The following ARHGAP45 variants were observed in gnomAD, a reference collection of about 807,000 sequenced individuals.
ARHGAP45 encodes rho GTPase-activating protein 45.
Under a neutral mutation model 116.1 loss-of-function variants are expected in ARHGAP45, and 56 were observed. The ratio of observed to expected loss-of-function variants is 0.48; its 90% CI spans 0.39 to 0.60. The LOEUF (loss-of-function observed/expected upper bound fraction) is 0.60. ARHGAP45 is among the 20% of genes least tolerant of loss of function. The pLI, the probability that ARHGAP45 is intolerant of heterozygous loss-of-function variation, is 0.00. For synonymous variants in ARHGAP45, 866 were observed against 701.7 expected (o/e 1.23, Z -3.70); for missense variants, 1,622 against 1,601.0 (o/e 1.01, Z -0.22).
At chr19:1,074,057 C>T (rs755722904) in intron 6 of ARHGAP45, 43 bp downstream of exon 6, 4 of 1,603,578 alleles carry the variant, frequency 2.5e-6, no homozygotes, top group Middle Eastern at 1.7e-4. Context: ...GAGGGGTGGG[C>T]CATTGCGCGG....
In ARHGAP45 at chr19:1,071,437, G is replaced by T; in HGVS notation, c.422-1712G>T. On this transcript the variant is annotated intron_variant, in intron 2 of 22. Coordinates refer to ENST00000313093, the MANE Select transcript of ARHGAP45 (RefSeq NM_012292.5). This position sits in a 1 kb window ranked among gnomAD's most constrained non-coding sequence, Gnocchi z 4.6. ...GCTCGGGCCGTTTGCCGCCCGCGGT[G>T]GGGGAGCAGCGGCTGCCGCGCGCCT... 1.9e-6 allele frequency: 2 copies of T among 1,050,282 alleles called. No individual in the cohort carries two copies. Among genetic ancestry groups the T allele is most frequent in the Middle Eastern group, 4.4e-4 (1 of 2,294 alleles). The allele number at this position is 1,050,282 out of a possible 1,614,324, so 65.1% of individuals were successfully genotyped here.
Position 1,067,412 on chromosome 19 carries a change from TC to T in ARHGAP45, c.9del (p.Arg4GlyfsTer7). The T allele has an allele frequency of 6.3e-7, 1 of 1,591,040 alleles. No homozygotes were observed. The highest frequency in any genetic ancestry group is 8.5e-7 in the Non-Finnish European group (1 of 1,169,828). On this transcript the variant is annotated frameshift_variant, in exon 1 of 23. Coordinates refer to ENST00000313093, the MANE Select transcript of ARHGAP45 (RefSeq NM_012292.5). LOFTEE classifies it high-confidence loss of function. MF[S>X]RKKRELMKTP... ...TCCCGGCCGGGGCCCCATCATGTTC[TC>T]CAGGAAGAAACGAGAGCTCATGAAA...
At position 1,071,558 on chromosome 19, in the gene ARHGAP45, T is replaced by C. The variant is rs2043141918; in HGVS notation, c.422-1591T>C. Reference sequence around the variant, plus strand: ...GGGGGTGTGCGGGGACAGCCGGGGGTCCGTGCGCCGGCCGCGCGCGGAGTG... The same window carrying C: ...GGGGGTGTGCGGGGACAGCCGGGGGCCCGTGCGCCGGCCGCGCGCGGAGTG... On this transcript the variant is annotated intron_variant, in intron 2 of 22. Coordinates refer to ENST00000313093, the MANE Select transcript of ARHGAP45 (RefSeq NM_012292.5). The surrounding 1 kb of genome is among the most constrained non-coding windows in gnomAD (Gnocchi z 4.6). 5.1e-5 allele frequency: 12 copies of C among 236,936 alleles called. No individual in the cohort carries two copies. The highest frequency in any genetic ancestry group is 7.6e-5 in the Non-Finnish European group (11 of 145,314). The allele number at this position is 236,936 out of a possible 1,614,324, so 14.7% of individuals were successfully genotyped here.
intron 22 of ARHGAP45, 123 bp from the exon 23 acceptor site, chr19:1,085,537 T>TCCTGTCTCTCCCCATCTCC: frequency 1.5e-6 from 1 of 659,638 alleles, no homozygotes; most frequent in South Asian, 2.0e-5. Flanking sequence ...TCCCCATCTC[T>TCCTGTCTCTCCCCATCTCC]CCTGTCTCTC....
At chr19:1,074,771 TACC>T (rs1192582689) in intron 9 of ARHGAP45, 25 bp from the exon 10 acceptor site, 7 of 1,598,584 alleles carry the variant, frequency 4.4e-6, no homozygotes, top group Non-Finnish European at 6.0e-6. Flanking sequence ...GTCACCGGGG[TACC>T]CACTCACGGC....
rs2043639766 is a variant in ARHGAP45 at position 1,086,119 on chromosome 19, A to AGAGC, written c.*115_*118dup. On this transcript the variant is annotated 3_prime_UTR_variant, in exon 23 of 23. Coordinates refer to ENST00000313093, the MANE Select transcript of ARHGAP45 (RefSeq NM_012292.5). The stretch of plus-strand genomic sequence containing the variant: ...GTGCGCCGTCCTGGGGTCGCTGCCG[A>AGAGC]GAGCGCCTGGACTTCGACGTCCCAC... 1 of 1,007,030 alleles carries AGAGC rather than the reference A, an allele frequency of 9.9e-7. No homozygotes were observed. The highest frequency in any genetic ancestry group is 1.6e-5 in the South Asian group (1 of 63,546). The allele number at this position is 1,007,030 out of a possible 1,614,324, so 62.4% of individuals were successfully genotyped here.
chr19:1,085,613 C>A, intron 22 of ARHGAP45, 47 bp from the exon 23 acceptor site: 1 of 1,391,548 alleles, frequency 7.2e-7, no homozygotes, highest in Non-Finnish European at 9.7e-7. Flanking sequence ...TGTCTCTCCT[C>A]CATCTCTCCT....
intron 22 of ARHGAP45, among the ~76,000 whole-genome samples, chr19:1,085,123 G>A (rs966033774): frequency 2.0e-5 from 3 of 152,062 alleles, no homozygotes; most frequent in African/African-American, 7.3e-5. Flanking sequence ...AAAAGAAAGA[G>A]GTTTAATGGA....
In ARHGAP45 at chr19:1,080,535, G is replaced by C. The variant is rs145692763; in HGVS notation, c.1900G>C (p.Gly634Arg). 32 of 1,612,680 alleles carry C rather than the reference G, an allele frequency of 2.0e-5. 1 individual carries two copies. The highest frequency in any genetic ancestry group is 2.4e-5 in the Non-Finnish European group (28 of 1,179,892). The change falls in exon 15 of 23, where the codon GGC becomes CGC. Residue 634 changes from glycine (G) to arginine (R), a missense_variant. Physicochemically the swap from Gly to Arg is moderately radical, Grantham distance 125. This residue lies in a region of ARHGAP45 where 1,334 missense variants were observed against 1,263.8 expected (regional missense o/e 1.06). Transcript: ENST00000313093. The stretch of plus-strand genomic sequence containing the variant: ...AGACTCGGACAGTGGGCTGGACCCC[G>C]GCCCTGGCGCAGGTGAGGGAGGCTC... The part of the protein sequence containing the change: ...ISDSDSGLDP[G>R]PGAGDFKKFE...
At position 1,083,151 on chromosome 19, in the gene ARHGAP45, A is replaced by C; in HGVS notation, c.2753A>C (p.Glu918Ala). Residue 918 changes from glutamate (E) to alanine (A), a missense_variant, in exon 21 of 23, where the codon GAG (glutamate) becomes GCG (alanine). This residue lies in a region of ARHGAP45 where 1,334 missense variants were observed against 1,263.8 expected (regional missense o/e 1.06). Coordinates refer to ENST00000313093, the MANE Select transcript of ARHGAP45 (RefSeq NM_012292.5). The part of the protein sequence containing the change: ...YLLRHLRRIV[E>A]VEQDNKMTPG... The stretch of plus-strand genomic sequence containing the variant: ...CCCTGCCCACCCCGCAGGATCGTGG[A>C]GGTGGAGCAGGACAACAAGATGACC... The C allele has an allele frequency of 2.5e-6, 4 of 1,608,214 alleles. No individual in the cohort carries two copies. Among genetic ancestry groups the C allele is most frequent in the Non-Finnish European group, 3.4e-6 (4 of 1,178,936 alleles).
Position 1,083,229 on chromosome 19 carries a change from C to T in ARHGAP45, c.2831C>T (p.Thr944Ile). 1.2e-6 allele frequency: 2 copies of T among 1,607,972 alleles called. No individual in the cohort carries two copies. The highest frequency in any genetic ancestry group is 1.7e-6 in the Non-Finnish European group (2 of 1,177,738). Residue 944 changes from threonine (T) to isoleucine (I), a missense_variant, in exon 21 of 23, where the codon ACC (threonine) becomes ATC (isoleucine). By Grantham distance (89) the Thr-to-Ile change is moderately conservative (BLOSUM62 -1). This residue lies in a region of ARHGAP45 where 1,334 missense variants were observed against 1,263.8 expected (regional missense o/e 1.06). Transcript: ENST00000313093. The part of the protein sequence containing the change: ...FGPTLLRPRP[T>I]EATVSLSSLV... ...CCCACGCTGCTTCGGCCACGGCCCA[C>T]CGAGGCCACCGTGTCCCTCTCCTCC...
chr19:1,083,038 C>G lies in ARHGAP45; in HGVS notation c.2716C>G (p.Leu906Val). 1 of 1,545,448 alleles carries G rather than the reference C, an allele frequency of 6.5e-7. No individual in the cohort carries two copies. The highest frequency in any genetic ancestry group is 8.7e-7 in the Non-Finnish European group (1 of 1,150,418). Residue 906 changes from leucine to valine, a missense_variant, in exon 20 of 23, where the codon CTG (leucine) becomes GTG (valine). By Grantham distance (32) the Leu-to-Val change is conservative. Around this residue, in one of 3 missense-constraint regions of ARHGAP45, gnomAD observed 1,334 missense variants for 1,263.8 expected, o/e 1.06. Coordinates refer to ENST00000313093, the MANE Select transcript of ARHGAP45 (RefSeq NM_012292.5). ...RDLPPENRAS[L>V]QYLLRHLRRI... is the part of the protein sequence containing the mutation. ...CCTGCCGCCTGAGAACCGGGCCTCG[C>G]TGCAGTACCTGCTGCGTCACCTACG...
chr19:1,085,541 G>GTCTCTCCCCATCTCTCCTA, intron 22 of ARHGAP45, 119 bp from the exon 23 acceptor site: 2 of 666,472 alleles, frequency 3.0e-6, no homozygotes, highest in Non-Finnish European at 4.9e-6. Flanking sequence ...CATCTCTCCT[G>GTCTCTCCCCATCTCTCCTA]TCTCTCCATC....
rs1045458692 is a variant in ARHGAP45, at chr19:1,079,823, G to A, written c.1495G>A (p.Asp499Asn). The A allele has an allele frequency of 2.5e-6, 4 of 1,607,342 alleles. No homozygotes were observed. The African/African-American group carries it at 4.0e-5, about 16-fold the overall frequency. The change falls in exon 12 of 23, where the codon GAC becomes AAC. Residue 499 changes from aspartate (D) to asparagine (N), a missense_variant. This residue lies in a region of ARHGAP45 where 1,334 missense variants were observed against 1,263.8 expected (regional missense o/e 1.06). Transcript: ENST00000313093. ...RQIQEVIRQS[D>N]QTIKSATISY... ...GATCCAGGAGGTCATCCGGCAGAGC[G>A]ACCAAACCATCAAGTCGGTGCGTGG... is the stretch of plus-strand genomic sequence containing the variant.
chr19:1,080,556 G>C lies in ARHGAP45; in HGVS notation c.1912+9G>C. The C allele has an allele frequency of 6.2e-7, 1 of 1,612,536 alleles. No individual in the cohort carries two copies. The highest frequency in any genetic ancestry group is 8.5e-7 in the Non-Finnish European group (1 of 1,179,682). ...CCCCGGCCCTGGCGCAGGTGAGGGAGGCTCTCTGGCGGGCTGGGGTGTGGA... is the reference window on the plus strand; with the variant it reads ...CCCCGGCCCTGGCGCAGGTGAGGGACGCTCTCTGGCGGGCTGGGGTGTGGA... On this transcript the variant is annotated intron_variant, in intron 15 of 22. Coordinates refer to ENST00000313093, the MANE Select transcript of ARHGAP45 (RefSeq NM_012292.5).
chr19:1,081,758 G>A lies in ARHGAP45; in HGVS notation c.2379+20G>A. On this transcript the variant is annotated intron_variant, in intron 18 of 22. Transcript: ENST00000313093. ...ACCAAGGTGAGGCGGGGGAGGAAGC[G>A]GCTCACAGCGAGGAGGCGGGAGTGG... is the stretch of plus-strand genomic sequence containing the variant. 1 of 1,556,902 alleles carries A rather than the reference G, an allele frequency of 6.4e-7. No individual in the cohort carries two copies. The highest frequency in any genetic ancestry group is 2.4e-5 in the East Asian group (1 of 42,500).
At chr19:1,081,767 CGAG>C in intron 18 of ARHGAP45, 29 bp downstream of exon 18, 1 of 1,562,060 alleles carries the variant, frequency 6.4e-7, no homozygotes, top group Non-Finnish European at 8.7e-7. Flanking sequence ...CGGCTCACAG[CGAG>C]GAGGCGGGAG....
rs1194532543 is a variant in ARHGAP45 at position 1,080,942 on chromosome 19, C to T, written c.2068C>T (p.Pro690Ser). Residue 690 changes from proline to serine, a missense_variant, in exon 17 of 23, where the codon CCG (proline) becomes TCG (serine). Physicochemically the swap from Pro to Ser is moderately conservative, Grantham distance 74. This residue lies in a region of ARHGAP45 where 1,334 missense variants were observed against 1,263.8 expected (regional missense o/e 1.06). Transcript: ENST00000313093. The stretch of plus-strand genomic sequence containing the variant: ...GCTGCCGGTGGCCGTGCCCAGTGGA[C>T]CGTTCCGCCACGAGGGGCTGTCCAA... ...PELPVAVPSG[P>S]FRHEGLSKAA... is the part of the protein sequence containing the mutation. 3 of 1,609,794 alleles carry T rather than the reference C, an allele frequency of 1.9e-6. No homozygotes were observed. Among genetic ancestry groups the T allele is most frequent in the Non-Finnish European group, 2.5e-6 (3 of 1,178,626 alleles).
chr19:1,073,065 A>C, intron 2 of ARHGAP45, 84 bp from the exon 3 acceptor site: 5 of 1,452,156 alleles, frequency 3.4e-6, no homozygotes, highest in African/African-American at 1.4e-5. Flanking sequence ...ATCTGGGAAC[A>C]GGAGCTCTAA....
Sources: allele counts gnomAD v4.1 joint callset (sites outside exome capture counted in the v4.1 genomes callset), GRCh38; gene constraint gnomAD v4.1.1; regional missense constraint gnomAD v4.1.1; non-coding constraint Gnocchi (gnomAD v3.1); transcripts MANE v1.5; gene names NCBI Gene and HGNC (gene_info 2026-07-23, HGNC 2026-07-21).